Variants in AGBL4 observed in about 807,000 individuals in gnomAD.
AGBL4 encodes the protein cytosolic carboxypeptidase 6.
Under a neutral mutation model 66.4 loss-of-function variants are expected in AGBL4, and 58 were observed. That is an observed-to-expected ratio of 0.87 (90% confidence interval 0.71 to 1.09). The LOEUF is 1.09. AGBL4 is among the 50% of genes least tolerant of loss of function. The pLI is 0.00. For missense variants in AGBL4, 579 were observed against 631.0 expected, an observed-to-expected ratio of 0.92 and a Z score of 0.88; for synonymous variants, 234 against 222.9, an observed-to-expected ratio of 1.05 and a Z score of -0.44.
In AGBL4 at chr1:49,697,380, G is replaced by A. The variant is rs373937114; in HGVS notation, c.215C>T (p.Pro72Leu). 1.3e-4 allele frequency: 205 copies of A among 1,547,942 alleles called. No individual in the cohort carries two copies. The African/African-American group carries it at 2.6e-3, about 20-fold the overall frequency. ...TCGGAAGCGTGGATTACAGGTGTCCGGCCTAATGAACAGATCATACTCAAA... is the reference window on the plus strand; with the variant it reads ...TCGGAAGCGTGGATTACAGGTGTCCAGCCTAATGAACAGATCATACTCAAA... The part of the protein sequence containing the change: ...SEFEYDLFIR[P>L]DTCNPRFRVW... The change falls in exon 3 of 14, where the codon CCG becomes CTG. Residue 72 changes from proline to leucine, a missense_variant. By Grantham distance (98) the Pro-to-Leu change is moderately conservative. Transcript: ENST00000371839.
chr1:49,638,893 G>C (rs1645728025), intron 3 of AGBL4, among the ~76,000 whole-genome samples: 1 of 152,150 alleles, frequency 6.6e-6, no homozygotes, highest in African/African-American at 2.4e-5. Context: ...CCCTGTGCAA[G>C]GCAGGACAAG....
intron 5 of AGBL4, among the ~76,000 whole-genome samples, chr1:49,006,379 C>G (rs1339828599): frequency 6.6e-6 from 1 of 152,168 alleles, no homozygotes; most frequent in Non-Finnish European, 1.5e-5. Context: ...GGGTCCTACG[C>G]CCACGGAGTC....
intron 3 of AGBL4, among the ~76,000 whole-genome samples, chr1:49,591,846 C>A (rs1644757452): frequency 6.6e-6 from 1 of 152,040 alleles, no homozygotes; most frequent in South Asian, 2.1e-4. Flanking sequence ...GAAAGGGGTC[C>A]CTATTCAATA....
chr1:49,017,409 C>T (rs1272291341), intron 5 of AGBL4, among the ~76,000 whole-genome samples: 1 of 152,174 alleles, frequency 6.6e-6, no homozygotes, highest in Non-Finnish European at 1.5e-5. Context: ...GCACCTAGCA[C>T]ATATGTAATA....
chr1:48,761,781 T>G (rs1644267150), intron 6 of AGBL4, among the ~76,000 whole-genome samples: 1 of 152,194 alleles, frequency 6.6e-6, no homozygotes, highest in Non-Finnish European at 1.5e-5. Context: ...AATCTTGAAT[T>G]GGAACAGCCC....
intron 3 of AGBL4, among the ~76,000 whole-genome samples, chr1:49,589,413 A>T (rs1644711515): frequency 6.6e-6 from 1 of 152,098 alleles, no homozygotes; most frequent in South Asian, 2.1e-4. Flanking sequence ...ACTATACCAT[A>T]GCTGTCTCAA....
At chr1:49,636,160 G>T (rs1332919245) in intron 3 of AGBL4, among the ~76,000 whole-genome samples, 1 of 152,168 alleles carries the variant, frequency 6.6e-6, no homozygotes, top group Non-Finnish European at 1.5e-5. Context: ...GATAAACTGA[G>T]TGTTATAACA....
At chr1:48,780,535 AG>A (rs919194221) in intron 6 of AGBL4, among the ~76,000 whole-genome samples, 1 of 152,158 alleles carries the variant, frequency 6.6e-6, no homozygotes, top group African/African-American at 2.4e-5. Flanking sequence ...CCATACTAGA[AG>A]GCTACAGTAG....
chr1:48,794,198 T>G (rs1339664363), intron 6 of AGBL4, among the ~76,000 whole-genome samples: 1 of 152,218 alleles, frequency 6.6e-6, no homozygotes, highest in African/African-American at 2.4e-5. Context: ...CCACAGGAAC[T>G]TTCTCCCTGC....
chr1:49,619,446 A>G (rs1558106823), intron 3 of AGBL4, among the ~76,000 whole-genome samples: 1 of 152,182 alleles, frequency 6.6e-6, no homozygotes, highest in Non-Finnish European at 1.5e-5. Context: ...AGAACTACAA[A>G]CCACTGCTCA....
chr1:49,015,523 C>T (rs960869339), intron 5 of AGBL4, among the ~76,000 whole-genome samples: 4 of 150,740 alleles, frequency 2.7e-5, no homozygotes, highest in African/African-American at 4.9e-5. Flanking sequence ...CCTGGGTTCA[C>T]GCCATTCTCC....
intron 4 of AGBL4, among the ~76,000 whole-genome samples, chr1:49,080,525 C>A (rs567828341): frequency 1.3e-5 from 2 of 152,218 alleles, no homozygotes; most frequent in East Asian, 3.9e-4. Flanking sequence ...TTTGGAGGTA[C>A]CCCTGATTGG....
chr1:49,263,567 T>TA (rs770241990), intron 3 of AGBL4, among the ~76,000 whole-genome samples: 9 of 152,096 alleles, frequency 5.9e-5, no homozygotes, highest in Non-Finnish European at 1.0e-4. Context: ...TGAGGAAATA[T>TA]AAATTAAGAA....
chr1:49,433,651 T>C (rs1328843645), intron 3 of AGBL4, among the ~76,000 whole-genome samples: 3 of 152,174 alleles, frequency 2.0e-5, no homozygotes, highest in African/African-American at 4.8e-5. Context: ...TATATGTCAC[T>C]GGAAGGATAA....
chr1:48,659,997 C>T (rs1391420683), intron 7 of AGBL4, among the ~76,000 whole-genome samples: 1 of 152,206 alleles, frequency 6.6e-6, no homozygotes, highest in Non-Finnish European at 1.5e-5. Context: ...CCCAGGGTTA[C>T]ATTGCAGTAA....
intron 1 of AGBL4, among the ~76,000 whole-genome samples, chr1:49,920,893 T>C (rs1298020243): frequency 3.9e-5 from 6 of 152,142 alleles, no homozygotes; most frequent in Non-Finnish European, 1.5e-5. Flanking sequence ...ACATACACCA[T>C]GGAATACTAT....
chr1:49,620,787 C>T (rs1276411491), intron 3 of AGBL4, among the ~76,000 whole-genome samples: 1 of 152,010 alleles, frequency 6.6e-6, no homozygotes, highest in African/African-American at 2.4e-5. Flanking sequence ...GGTCCCTTCT[C>T]CCTAAAATTT....
intron 2 of AGBL4, among the ~76,000 whole-genome samples, chr1:49,800,104 T>C (rs934860098): frequency 6.6e-6 from 1 of 152,140 alleles, no homozygotes; most frequent in African/African-American, 2.4e-5. Flanking sequence ...TTACAGACAG[T>C]CTCTTAAGGT....
intron 2 of AGBL4, among the ~76,000 whole-genome samples, chr1:49,746,519 C>G (rs1238406217): frequency 6.6e-6 from 1 of 151,960 alleles, no homozygotes; most frequent in African/African-American, 2.4e-5. Flanking sequence ...CCATGAATGG[C>G]TTTTTACATC....
Sources: allele counts gnomAD v4.1 joint callset (sites outside exome capture counted in the v4.1 genomes callset), GRCh38; gene constraint gnomAD v4.1.1; transcripts MANE v1.5; gene names NCBI Gene and HGNC (gene_info 2026-07-23, HGNC 2026-07-21).